SNTG2: variants seen among roughly 807,000 people sequenced by gnomAD.
SNTG2 encodes the protein gamma-2-syntrophin.
Under a neutral mutation model 70.9 loss-of-function variants are expected in SNTG2, and 74 were observed. That is an observed-to-expected ratio of 1.04 (90% CI 0.86 to 1.27). SNTG2 has a LOEUF of 1.27. Among genes scored for constraint, SNTG2 ranks in the 50% most tolerant of loss-of-function variants. SNTG2 has a pLI of 0.00. For missense variants in SNTG2, 717 were observed against 690.7 expected, an observed-to-expected ratio of 1.04 and a Z score of -0.43; for synonymous variants, 278 against 273.8, an observed-to-expected ratio of 1.02 and a Z score of -0.15.
At chr2:986,099 GA>G (rs1661310672) in intron 1 of SNTG2, among the ~76,000 whole-genome samples, 1 of 151,786 alleles carries the variant, frequency 6.6e-6, no homozygotes, top group South Asian at 2.1e-4. Flanking sequence ...GAGAGAGAGA[GA>G]GAGAGAGAGA....
At chr2:1,311,796 G>C (rs923167682) in intron 15 of SNTG2, among the ~76,000 whole-genome samples, 1 of 152,192 alleles carries the variant, frequency 6.6e-6, no homozygotes, top group Non-Finnish European at 1.5e-5. Flanking sequence ...GAGTTACCAT[G>C]CTTATATTCA....
chr2:1,117,655 G>C (rs78342275), intron 4 of SNTG2, among the ~76,000 whole-genome samples: 1,552 of 152,284 alleles, frequency 0.01, 22 homozygotes, highest in African/African-American at 0.035. Context: ...AACAGCAACA[G>C]CTCCCTGAAA....
At chr2:1,207,839 A>T (rs905848289) in intron 8 of SNTG2, among the ~76,000 whole-genome samples, 1 of 152,202 alleles carries the variant, frequency 6.6e-6, no homozygotes, top group African/African-American at 2.4e-5. Flanking sequence ...CTGACTGCAG[A>T]GGAGACTTGG....
intron 16 of SNTG2, among the ~76,000 whole-genome samples, chr2:1,356,847 C>T (rs1288673126): frequency 6.6e-6 from 1 of 151,750 alleles, no homozygotes; most frequent in Non-Finnish European, 1.5e-5. Context: ...TGCAATAGTG[C>T]ATTATAGTTT....
At chr2:1,103,205 A>G (rs10180028) in intron 4 of SNTG2, among the ~76,000 whole-genome samples, 88,299 of 151,880 alleles carry the variant, frequency 0.58, 26,358 homozygotes, top group African/African-American at 0.7. Context: ...TTTAATACCT[A>G]GTGAGATTGT....
rs531421938 is a variant in SNTG2, at chr2:1,052,078, T to C, written c.73-31440T>C. On this transcript the variant is annotated intron_variant, in intron 1 of 16. Transcript: ENST00000308624. ...TTTTTATTTATATTCATGGGGGTAA[T>C]TGATAAGTAATTTTACTTTATTATA... Among the ~76,000 whole-genome samples, 4 of 152,260 alleles carry C rather than the reference T, an allele frequency of 2.6e-5. No individual in the cohort carries two copies. In the East Asian group the frequency reaches 5.8e-4, roughly 22 times the overall value.
intron 16 of SNTG2, chr2:1,341,631 G>A (rs992502484): frequency 2.0e-5 from 3 of 152,188 alleles, no homozygotes; most frequent in Admixed American, 6.5e-5. Flanking sequence ...TGGGGAGGCA[G>A]TCTTAAGACA....
chr2:1,137,899 C>T (rs1668501619), intron 6 of SNTG2, 90 bp downstream of exon 6: 1 of 1,213,926 alleles, frequency 8.2e-7, no homozygotes, highest in East Asian at 2.4e-5. Flanking sequence ...TGAGTCTATC[C>T]ATAGATGCAG....
chr2:981,074 T>C (rs1661081663), intron 1 of SNTG2, among the ~76,000 whole-genome samples: 1 of 152,190 alleles, frequency 6.6e-6, no homozygotes, highest in Non-Finnish European at 1.5e-5. Flanking sequence ...GAATTTGAAA[T>C]ATGAACCACC....
intron 1 of SNTG2, among the ~76,000 whole-genome samples, chr2:1,009,520 A>G (rs1341502288): frequency 7.4e-6 from 1 of 134,832 alleles, no homozygotes; most frequent in Non-Finnish European, 1.6e-5. Flanking sequence ...TGTGTATGGC[A>G]GCCACACCTG....
At chr2:962,252 T>C (rs1660374335) in intron 1 of SNTG2, among the ~76,000 whole-genome samples, 2 of 152,128 alleles carry the variant, frequency 1.3e-5, no homozygotes, top group African/African-American at 4.8e-5. Flanking sequence ...TTTTAACTTT[T>C]ATACCGATGG....
intron 6 of SNTG2, among the ~76,000 whole-genome samples, chr2:1,149,789 G>A (rs71339713): frequency 0.93 from 120,328 of 128,978 alleles, 56,205 homozygotes; most frequent in Non-Finnish European, 0.97. Flanking sequence ...CCGGGTTCAC[G>A]CCATGCTCCT....
At chr2:1,342,347 G>C (rs1263982471) in intron 16 of SNTG2, among the ~76,000 whole-genome samples, 2 of 105,360 alleles carry the variant, frequency 1.9e-5, no homozygotes, top group African/African-American at 8.3e-5. Flanking sequence ...CATAGGAAGA[G>C]TGGACTGGCA....
chr2:1,133,619 T>C (rs2148320471), intron 4 of SNTG2, among the ~76,000 whole-genome samples: 1 of 152,362 alleles, frequency 6.6e-6, no homozygotes, highest in South Asian at 2.1e-4. Context: ...AAATAGTTCA[T>C]TTTATTTAGG....
rs1295478613 is a variant in SNTG2 at position 1,322,670 on chromosome 2, T to C, written c.1488+6295T>C. Among the ~76,000 whole-genome samples, 7 of 152,158 alleles carry C rather than the reference T, an allele frequency of 4.6e-5. No individual in the cohort carries two copies. The East Asian group carries it at 1.4e-3, about 30-fold the overall frequency. ...CTCTCTCCCCCTCCTTCTACCCTTCTGGTGCAGAGTCCTCAGAGGCTCCTT... is the reference window on the plus strand; with the variant it reads ...CTCTCTCCCCCTCCTTCTACCCTTCCGGTGCAGAGTCCTCAGAGGCTCCTT... On this transcript the variant is annotated intron_variant, in intron 16 of 16. Transcript: ENST00000308624.
intron 1 of SNTG2, among the ~76,000 whole-genome samples, chr2:988,878 A>C (rs1661411765): frequency 6.6e-6 from 1 of 152,208 alleles, no homozygotes; most frequent in Non-Finnish European, 1.5e-5. Flanking sequence ...CTATGAACAT[A>C]ATACATTTCT....
In SNTG2 at chr2:1,160,107, ATACATGGTG is replaced by A. The variant is rs1163353523; in HGVS notation, c.412-5429_412-5421del. On this transcript the variant is annotated intron_variant, in intron 6 of 16. Transcript: ENST00000308624. ...AGTGAAAATGGGGCAAATAAATGGGATACATGGTGTACATGGTGTATGAAAATTCTTGTA... is the reference window on the plus strand; with the variant it reads ...AGTGAAAATGGGGCAAATAAATGGGATACATGGTGTATGAAAATTCTTGTA... 11 of 152,334 alleles carry A rather than the reference ATACATGGTG, an allele frequency of 7.2e-5. No individual in the cohort carries two copies. In the East Asian group the frequency reaches 1.5e-3, roughly 21 times the overall value. 9.4% of individuals were successfully genotyped at this position (152,334 alleles called of 1,614,324 possible). A position where few individuals can be genotyped will look rare whatever the true frequency, so the allele number is the denominator to read the frequency against.
intron 4 of SNTG2, among the ~76,000 whole-genome samples, chr2:1,124,164 A>G (rs956689548): frequency 1.3e-5 from 2 of 152,186 alleles, no homozygotes; most frequent in Non-Finnish European, 2.9e-5. Context: ...GGTCATAGAT[A>G]TGTTAACCAG....
chr2:1,081,281 G>A (rs1664275882), intron 1 of SNTG2, among the ~76,000 whole-genome samples: 1 of 152,310 alleles, frequency 6.6e-6, no homozygotes, highest in South Asian at 2.1e-4. Flanking sequence ...GAGAGTAAAT[G>A]CGGGAGGCAA....
Sources: gnomAD v4.1 joint callset for allele counts (sites outside exome capture counted in the v4.1 genomes callset) on GRCh38, gnomAD v4.1.1 for gene constraint, MANE v1.5 for transcripts, NCBI Gene and HGNC (gene_info 2026-07-23, HGNC 2026-07-21) for gene names.